MEMO1: variants seen among roughly 807,000 people sequenced by gnomAD.
MEMO1 encodes mediator of cell motility 1.
In MEMO1, 6 loss-of-function variants were observed where a neutral mutation model predicts 45.2. The ratio of observed to expected loss-of-function variants is 0.13; its 90% CI spans 0.07 to 0.26. The LOEUF (loss-of-function observed/expected upper bound fraction) is 0.26, where lower values mean the gene tolerates loss of function less well. Ranked by LOEUF, MEMO1 falls within the 10% of genes least tolerant of loss-of-function variation. MEMO1 has a pLI of 1.00. For synonymous variants in MEMO1, 78 were observed against 124.3 expected (o/e 0.63, Z 2.48); for missense variants, 184 against 370.5 (o/e 0.50, Z 4.13).
intron 7 of MEMO1, among the ~76,000 whole-genome samples, chr2:31,891,093 C>T (rs1017095255): frequency 6.6e-6 from 1 of 152,108 alleles, no homozygotes; most frequent in Non-Finnish European, 1.5e-5. Flanking sequence ...AATGCCATGG[C>T]TCCCTATATT....
chr2:31,917,707 T>C (rs1210161145), intron 6 of MEMO1, among the ~76,000 whole-genome samples: 2 of 152,254 alleles, frequency 1.3e-5, no homozygotes, highest in Non-Finnish European at 2.9e-5. Flanking sequence ...GGTTTTTTAA[T>C]ACTTCCACCT....
Position 31,901,059 on chromosome 2 carries a change from T to C in MEMO1, c.438-8925A>G, listed in dbSNP as rs534057798. Among the ~76,000 whole-genome samples the C allele has an allele frequency of 1.5e-4, 23 of 152,206 alleles. No homozygotes were observed. In the South Asian group the frequency reaches 4.8e-3, roughly 32 times the overall value. Reference sequence around the variant, plus strand: ...GACAAAATGTGGTATATTCATATAATGGAATAATTATTTGGCAATAAAAAA... The same window carrying C: ...GACAAAATGTGGTATATTCATATAACGGAATAATTATTTGGCAATAAAAAA... On this transcript the variant is annotated intron_variant, in intron 6 of 9. Coordinates refer to ENST00000404530, the MANE Select transcript of MEMO1 (RefSeq NM_001301833.4).
Position 32,006,964 on chromosome 2 carries a change from CAAAAA to C in MEMO1, c.61+3218_61+3222del, listed in dbSNP as rs67557055. Among the ~76,000 whole-genome samples, 274 of 75,976 alleles carry C rather than the reference CAAAAA, an allele frequency of 3.6e-3. 4 individuals carry two copies. In the South Asian group the frequency reaches 0.074, roughly 21 times the overall value. The allele number at this position is 75,976 out of a possible 152,430, so 49.8% of individuals were successfully genotyped here. A position where few individuals can be genotyped will look rare whatever the true frequency, so the allele number is the denominator to read the frequency against. On this transcript the variant is annotated intron_variant, in intron 2 of 9. Transcript: ENST00000404530. ...TGGGCAACACAGCAAGATTCCATCT[CAAAAA>C]AAAAAAAAAAAAAAAAAAGAAGTGA...
intron 6 of MEMO1, among the ~76,000 whole-genome samples, chr2:31,904,952 G>A (rs893635028): frequency 6.6e-5 from 10 of 152,194 alleles, no homozygotes; most frequent in Admixed American, 2.6e-4. Context: ...CCAGAAAACA[G>A]GCTGGGCGCA....
At chr2:31,996,925 G>GGAACACTCACCAAGACTGAACATA in intron 2 of MEMO1, among the ~76,000 whole-genome samples, 1 of 152,224 alleles carries the variant, frequency 6.6e-6, no homozygotes, top group Admixed American at 6.5e-5. Context: ...AAAAGAACAT[G>GGAACACTCACCAAGACTGAACATA]GAACACTCAC....
At chr2:31,925,853 G>T (rs1683019393) in intron 4 of MEMO1, among the ~76,000 whole-genome samples, 2 of 152,060 alleles carry the variant, frequency 1.3e-5, no homozygotes, top group Non-Finnish European at 2.9e-5. Context: ...CTCTCGAGTA[G>T]GTATCTTTTT....
At chr2:31,980,468 ATTT>A (rs943954553) in intron 2 of MEMO1, among the ~76,000 whole-genome samples, 1 of 152,032 alleles carries the variant, frequency 6.6e-6, no homozygotes, top group African/African-American at 2.4e-5. Flanking sequence ...GATTTTTTTT[ATTT>A]TTAAGTCATT....
At chr2:31,954,900 T>C (rs1372590932) in intron 2 of MEMO1, among the ~76,000 whole-genome samples, 1 of 151,246 alleles carries the variant, frequency 6.6e-6, no homozygotes, top group Non-Finnish European at 1.5e-5. Flanking sequence ...ATCTCTGGAA[T>C]GGCAACCAGG....
chr2:31,915,541 CTT>C (rs1681311203), intron 6 of MEMO1, among the ~76,000 whole-genome samples: 1 of 151,388 alleles, frequency 6.6e-6, no homozygotes, highest in African/African-American at 2.4e-5. Flanking sequence ...GTTTTACTCT[CTT>C]GATCCAAAAA....
chr2:31,963,068 A>G, intron 2 of MEMO1: 1 of 1,356,490 alleles, frequency 7.4e-7, no homozygotes, highest in East Asian at 2.6e-5. Flanking sequence ...AAACTGAAAT[A>G]CTGGCTCTTC....
At chr2:31,931,551 T>C (rs1572718339) in intron 4 of MEMO1, among the ~76,000 whole-genome samples, 1 of 120,274 alleles carries the variant, frequency 8.3e-6, no homozygotes, top group African/African-American at 2.9e-5. Flanking sequence ...TCCCAGGAAG[T>C]TTTTTTTTTT....
At chr2:31,985,956 C>T (rs1182971495) in intron 2 of MEMO1, among the ~76,000 whole-genome samples, 5 of 152,114 alleles carry the variant, frequency 3.3e-5, no homozygotes, top group African/African-American at 1.2e-4. Context: ...TGGCAAGATC[C>T]CAACTCTATT....
At chr2:31,904,206 T>G (rs568921663) in intron 6 of MEMO1, among the ~76,000 whole-genome samples, 5 of 152,356 alleles carry the variant, frequency 3.3e-5, no homozygotes, top group African/African-American at 1.2e-4. Context: ...GACTGGTCCT[T>G]GGTTAGCATC....
chr2:31,942,297 A>G (rs1488495679), intron 3 of MEMO1, among the ~76,000 whole-genome samples: 1 of 152,214 alleles, frequency 6.6e-6, no homozygotes, highest in Non-Finnish European at 1.5e-5. Flanking sequence ...GCACCATACT[A>G]TGCTTAATAT....
chr2:31,877,985 T>A (rs1262877736), intron 8 of MEMO1, among the ~76,000 whole-genome samples: 1 of 152,160 alleles, frequency 6.6e-6, no homozygotes, highest in African/African-American at 2.4e-5. Flanking sequence ...AAAACAAATA[T>A]CCTGATTGAC....
At chr2:31,895,446 C>T (rs1232364180) in intron 6 of MEMO1, among the ~76,000 whole-genome samples, 1 of 152,012 alleles carries the variant, frequency 6.6e-6, no homozygotes, top group Non-Finnish European at 1.5e-5. Context: ...TAAAAAGAAC[C>T]AAGTGGAAAT....
At chr2:31,912,656 A>G (rs560270771) in intron 6 of MEMO1, among the ~76,000 whole-genome samples, 1 of 152,272 alleles carries the variant, frequency 6.6e-6, no homozygotes, top group African/African-American at 2.4e-5. Context: ...AACAAAGTGT[A>G]TAAGATATGA....
intron 6 of MEMO1, among the ~76,000 whole-genome samples, chr2:31,894,053 G>C (rs2148001122): frequency 6.6e-6 from 1 of 152,244 alleles, no homozygotes; most frequent in Admixed American, 6.5e-5. Flanking sequence ...AAGTTCTGAA[G>C]TTGAACTTCC....
intron 4 of MEMO1, among the ~76,000 whole-genome samples, chr2:31,925,946 A>G (rs1474502244): frequency 1.3e-5 from 2 of 152,242 alleles, no homozygotes; most frequent in Non-Finnish European, 2.9e-5. Flanking sequence ...AGGAAAAAGC[A>G]GTTGTGTAGT....
Sources: gnomAD v4.1 joint callset for allele counts (sites outside exome capture counted in the v4.1 genomes callset) on GRCh38, gnomAD v4.1.1 for gene constraint, MANE v1.5 for transcripts, NCBI Gene and HGNC (gene_info 2026-07-23, HGNC 2026-07-21) for gene names.